Variants in CLCA4 observed in about 807,000 individuals in gnomAD.
The protein encoded by CLCA4 is calcium-activated chloride channel regulator 4.
In CLCA4, 69 loss-of-function variants were observed where a neutral mutation model predicts 78.9. The observed-to-expected ratio is 0.87, with a 90% CI of 0.72 to 1.07. The LOEUF (loss-of-function observed/expected upper bound fraction) is 1.07, where lower values mean the gene tolerates loss of function less well. Ranked by LOEUF, CLCA4 falls within the 50% of genes least tolerant of loss-of-function variation. The probability of loss-of-function intolerance (pLI) is 0.00; values close to 1 mark genes in which losing one functional copy is unlikely to be tolerated. For synonymous variants in CLCA4, 362 were observed against 375.8 expected (o/e 0.96, Z 0.42); for missense variants, 1,133 against 1,095.8 (o/e 1.03, Z -0.48).
chr1:86,572,792 T>A lies in CLCA4; in HGVS notation c.1467+72T>A, dbSNP rs373525124. On this transcript the variant is annotated intron_variant, in intron 9 of 13. Coordinates refer to ENST00000370563, the MANE Select transcript of CLCA4 (RefSeq NM_012128.4). ...GAAAAAACCATTTGGTGGTTATAAG[T>A]TTTGAGTTCCATATTTTTCTCAAAG... 59 of 865,628 alleles carry A rather than the reference T, an allele frequency of 6.8e-5. No individual in the cohort carries two copies. In the African/African-American group the frequency reaches 7.9e-4, roughly 12 times the overall value. The allele number at this position is 865,628 out of a possible 1,614,324, so 53.6% of individuals were successfully genotyped here.
rs992171986 is a variant in CLCA4, at chr1:86,565,913, A to T, written c.847A>T (p.Lys283Ter). ...WEVISNSEDFKNTIPMVTPPP... is the reference protein window; with the variant it reads ...WEVISNSEDF ...GGTGATTAGCAATTCTGAGGATTTT[A>T]AAAACACCATACCCATGGTGACACC... Residue 283 changes from lysine to a stop codon, truncating the protein, a stop_gained, in exon 6 of 14, where the codon AAA becomes TAA. Coordinates refer to ENST00000370563, the MANE Select transcript of CLCA4 (RefSeq NM_012128.4). LOFTEE classifies it high-confidence loss of function. 1 of 1,612,892 alleles carries T rather than the reference A, an allele frequency of 6.2e-7. No homozygotes were observed. The highest frequency in any genetic ancestry group is 8.5e-7 in the Non-Finnish European group (1 of 1,179,010).
At position 86,580,094 on chromosome 1, in the gene CLCA4, A is replaced by G. The variant is rs575219154; in HGVS notation, c.2509A>G (p.Asn837Asp). The G allele has an allele frequency of 2.1e-4, 334 of 1,613,080 alleles. No homozygotes were observed. The South Asian group carries it at 3.5e-3, about 17-fold the overall frequency. ...AFKPENISEE[N>D]ATHIFIAIKS... ...TAAACCAGAAAATATCTCAGAAGAAAATGCAACCCACATATTTATTGCCAT... is the reference window on the plus strand; with the variant it reads ...TAAACCAGAAAATATCTCAGAAGAAGATGCAACCCACATATTTATTGCCAT... Residue 837 changes from asparagine (N) to aspartate (D), a missense_variant, in exon 14 of 14, where the codon AAT (asparagine) becomes GAT (aspartate). Physicochemically the swap from Asn to Asp is conservative, Grantham distance 23 (BLOSUM62 1). Transcript: ENST00000370563.
rs865794175 is a variant in CLCA4 at position 86,574,692 on chromosome 1, G to A, written c.1620G>A (p.Met540Ile). Reference sequence around the variant, plus strand: ...TCTGGGATCCCAGTGGAACAATAATGGAAAATTTCACAGTGGATGCAACTT... The same window carrying A: ...TCTGGGATCCCAGTGGAACAATAATAGAAAATTTCACAGTGGATGCAACTT... ...ISLWDPSGTI[M>I]ENFTVDATSK... is the part of the protein sequence containing the mutation. Residue 540 changes from methionine to isoleucine, a missense_variant, in exon 10 of 14, where the codon ATG becomes ATA. Physicochemically the swap from Met to Ile is conservative, Grantham distance 10. Transcript: ENST00000370563. 6.2e-7 allele frequency: 1 copy of A among 1,613,234 alleles called. No individual in the cohort carries two copies. Among genetic ancestry groups the A allele is most frequent in the Non-Finnish European group, 8.5e-7 (1 of 1,179,542 alleles).
chr1:86,566,148 A>G, intron 6 of CLCA4, 128 bp downstream of exon 6: 1 of 669,956 alleles, frequency 1.5e-6, no homozygotes, highest in Non-Finnish European at 2.3e-6. Context: ...GCCCATGATC[A>G]TGACTTCAAG....
intron 6 of CLCA4, 27 bp downstream of exon 6, chr1:86,566,047 G>C (rs1379951601): frequency 6.3e-7 from 1 of 1,583,724 alleles, no homozygotes; most frequent in Non-Finnish European, 8.7e-7. Flanking sequence ...TGGATATAGG[G>C]ATGTAGGATA....
chr1:86,553,193 C>T (rs1649717080), intron 1 of CLCA4: 1 of 1,154,974 alleles, frequency 8.7e-7, no homozygotes, highest in East Asian at 2.4e-5. Flanking sequence ...GCTCCACAAG[C>T]ATGTGGCAAA....
chr1:86,547,781 C>T (rs994255702), intron 1 of CLCA4, among the ~76,000 whole-genome samples: 1 of 152,122 alleles, frequency 6.6e-6, no homozygotes, highest in Non-Finnish European at 1.5e-5. Flanking sequence ...ATCCATGCTG[C>T]CACAAATGAA....
chr1:86,560,000 A>G lies in CLCA4; in HGVS notation c.228A>G (p.Val76=), dbSNP rs1355153540. Residue 76 remains valine, a synonymous_variant, in exon 2 of 14, where the codon GTA becomes GTG. Transcript: ENST00000370563. The part of the protein sequence containing the change: ...ATEKRFFFKN[V]SILIPENWKE... ...AAAAAAGATTTTTTTTCAAAAATGT[A>G]TCTATATTAATTCCTGAGAATTGGA... 6.2e-7 allele frequency: 1 copy of G among 1,608,652 alleles called. No individual in the cohort carries two copies. The highest frequency in any genetic ancestry group is 8.5e-7 in the Non-Finnish European group (1 of 1,177,042).
In CLCA4 at chr1:86,575,499, T is replaced by G. The variant is rs563972626; in HGVS notation, c.1851T>G (p.Ile617Met). ...GCCCAATGATTGTTTACGCAGAAAT[T>G]CTACAAGGATATGTACCTGTTCTTG... ...FPSPMIVYAE[I>M]LQGYVPVLGA... is the part of the protein sequence containing the mutation. The change falls in exon 11 of 14, where the codon ATT (isoleucine) becomes ATG (methionine). Residue 617 changes from isoleucine (I) to methionine (M), a missense_variant. By Grantham distance (10) the Ile-to-Met change is conservative (BLOSUM62 1). Transcript: ENST00000370563. 37 of 1,613,488 alleles carry G rather than the reference T, an allele frequency of 2.3e-5. No individual in the cohort carries two copies. In the South Asian group the frequency reaches 2.6e-4, roughly 11 times the overall value.
intron 1 of CLCA4, among the ~76,000 whole-genome samples, chr1:86,549,665 T>C (rs1165685526): frequency 6.6e-6 from 1 of 152,100 alleles, no homozygotes; most frequent in Non-Finnish European, 1.5e-5. Context: ...TTAAGATGTA[T>C]AGGGGATAGG....
chr1:86,563,964 G>A (rs1650099960), intron 4 of CLCA4, among the ~76,000 whole-genome samples, 195 bp downstream of exon 4: 1 of 152,056 alleles, frequency 6.6e-6, no homozygotes. Flanking sequence ...CAAGCATTCA[G>A]TTGACAATTT....
In CLCA4 at chr1:86,571,046, T is replaced by C. The variant is rs764778185; in HGVS notation, c.1183-31T>C. 4 of 1,545,894 alleles carry C rather than the reference T, an allele frequency of 2.6e-6. No homozygotes were observed. The South Asian group carries it at 3.5e-5, about 14-fold the overall frequency. On this transcript the variant is annotated intron_variant, in intron 7 of 13. Transcript: ENST00000370563. ...TGTCTATTTGATCTAGGAACATCTG[T>C]TGGTAACTGTGCTCTGCATTATGTT...
At chr1:86,576,389 C>T (rs1346135899) in intron 11 of CLCA4, among the ~76,000 whole-genome samples, 1 of 151,924 alleles carries the variant, frequency 6.6e-6, no homozygotes, top group Non-Finnish European at 1.5e-5. Context: ...CACTATATTG[C>T]CCCAGCCGGT....
intron 1 of CLCA4, among the ~76,000 whole-genome samples, chr1:86,559,290 T>A (rs1470049635): frequency 6.6e-6 from 1 of 151,884 alleles, no homozygotes; most frequent in Non-Finnish European, 1.5e-5. Context: ...CTACTATGGG[T>A]TTTTTTTCAT....
rs915018583 is a variant in CLCA4 at position 86,579,349 on chromosome 1, T to C, written c.2123-5T>C. 2 of 1,609,290 alleles carry C rather than the reference T, an allele frequency of 1.2e-6. No homozygotes were observed. Among genetic ancestry groups the C allele is most frequent in the Admixed American group, 1.7e-5 (1 of 59,844 alleles). ...CCATTATAAACCAGGAAATGTTTAATGCAGGGGAAATTGAAGCAAACCCGC... is the reference window on the plus strand; with the variant it reads ...CCATTATAAACCAGGAAATGTTTAACGCAGGGGAAATTGAAGCAAACCCGC... On this transcript the variant is annotated splice_polypyrimidine_tract_variant and splice_region_variant and intron_variant, in intron 12 of 13. Coordinates refer to ENST00000370563, the MANE Select transcript of CLCA4 (RefSeq NM_012128.4).
rs534164496 is a variant in CLCA4, at chr1:86,555,558, G to T, written c.160-4374G>T. Among the ~76,000 whole-genome samples, 7 of 151,808 alleles carry T rather than the reference G, an allele frequency of 4.6e-5. No individual in the cohort carries two copies. In the South Asian group the frequency reaches 1.2e-3, roughly 27 times the overall value. On this transcript the variant is annotated intron_variant, in intron 1 of 13. Coordinates refer to ENST00000370563, the MANE Select transcript of CLCA4 (RefSeq NM_012128.4). The stretch of plus-strand genomic sequence containing the variant: ...CTCTCTGTTGTGTTCTGTTGGTCTA[G>T]GCCTGTTTTTATACCAGTACCATGC...
chr1:86,567,063 G>A (rs374133267), intron 6 of CLCA4, among the ~76,000 whole-genome samples: 2 of 151,986 alleles, frequency 1.3e-5, no homozygotes, highest in East Asian at 1.9e-4. Flanking sequence ...TGGGGGTATG[G>A]TTTTATCTGA....
intron 1 of CLCA4, among the ~76,000 whole-genome samples, chr1:86,554,288 T>A (rs1649763679): frequency 6.6e-6 from 1 of 152,212 alleles, no homozygotes; most frequent in Admixed American, 6.5e-5. Context: ...GATAATAGCC[T>A]ACAGCTCCAC....
intron 1 of CLCA4, among the ~76,000 whole-genome samples, chr1:86,549,237 T>C (rs1267311914): frequency 6.6e-6 from 1 of 152,008 alleles, no homozygotes; most frequent in South Asian, 2.1e-4. Flanking sequence ...AGCACAGACC[T>C]GAGATGAGCG....
Sources: allele counts gnomAD v4.1 joint callset (sites outside exome capture counted in the v4.1 genomes callset), GRCh38; gene constraint gnomAD v4.1.1; transcripts MANE v1.5; gene names NCBI Gene and HGNC (gene_info 2026-07-23, HGNC 2026-07-21).